PAWR: variants seen among roughly 807,000 people sequenced by gnomAD.
The protein encoded by PAWR is PRKC apoptosis WT1 regulator protein.
In PAWR, 23 loss-of-function variants were observed where a neutral mutation model predicts 32.0. The ratio of observed to expected loss-of-function variants is 0.72; its 90% CI spans 0.52 to 1.02. The LOEUF (loss-of-function observed/expected upper bound fraction) is 1.02. Among genes scored for constraint, PAWR ranks in the 50% least tolerant of loss-of-function variants. The pLI is 0.00. For synonymous variants in PAWR, 226 were observed against 187.1 expected (o/e 1.21, Z -1.70); for missense variants, 457 against 437.7 (o/e 1.04, Z -0.39).
chr12:79,660,125 T>C lies in PAWR; in HGVS notation c.516+29604A>G, dbSNP rs1410412152. ...AACATACCACAGACATTGTCGGTTATAAATGTTAACAGTACTTGGAGCTTT... is the reference window on the plus strand; with the variant it reads ...AACATACCACAGACATTGTCGGTTACAAATGTTAACAGTACTTGGAGCTTT... On this transcript the variant is annotated intron_variant, in intron 2 of 6. Transcript: ENST00000328827. Among the ~76,000 whole-genome samples, 8 of 152,198 alleles carry C rather than the reference T, an allele frequency of 5.3e-5. No individual in the cohort carries two copies. In the East Asian group the frequency reaches 1.5e-3, roughly 29 times the overall value.
At chr12:79,670,958 T>G (rs1877864906) in intron 2 of PAWR, among the ~76,000 whole-genome samples, 1 of 150,086 alleles carries the variant, frequency 6.7e-6, no homozygotes, top group African/African-American at 2.4e-5. Context: ...GTATTAAGGA[T>G]ACTAAAATAG....
At chr12:79,672,548 T>C (rs1409658390) in intron 2 of PAWR, among the ~76,000 whole-genome samples, 1 of 152,184 alleles carries the variant, frequency 6.6e-6, no homozygotes, top group Non-Finnish European at 1.5e-5. Flanking sequence ...TTGCTCCATA[T>C]AGAGGCTTTC....
chr12:79,646,948 C>G (rs542508085), intron 2 of PAWR, among the ~76,000 whole-genome samples: 2 of 152,054 alleles, frequency 1.3e-5, no homozygotes, highest in African/African-American at 4.8e-5. Flanking sequence ...GAGGCTGAGG[C>G]GGGAGGATCA....
chr12:79,625,431 C>T (rs1291744715), intron 2 of PAWR, among the ~76,000 whole-genome samples: 3 of 151,074 alleles, frequency 2.0e-5, no homozygotes, highest in African/African-American at 7.3e-5. Flanking sequence ...AAAGAATAAG[C>T]AAAAAGAAAT....
At chr12:79,629,102 A>G (rs2136737722) in intron 2 of PAWR, among the ~76,000 whole-genome samples, 1 of 152,194 alleles carries the variant, frequency 6.6e-6, no homozygotes. Context: ...AAAGGAGAGA[A>G]CAGATAGGAT....
intron 3 of PAWR, 85 bp downstream of exon 3, chr12:79,620,991 A>G (rs977280878): frequency 1.2e-5 from 11 of 953,474 alleles, no homozygotes; most frequent in Non-Finnish European, 1.7e-5. Flanking sequence ...AATGGGAGAT[A>G]TATTACTACA....
intron 2 of PAWR, among the ~76,000 whole-genome samples, chr12:79,638,739 C>G (rs1876090843): frequency 6.7e-6 from 1 of 149,330 alleles, no homozygotes; most frequent in South Asian, 2.1e-4. Flanking sequence ...TACCCAGGGA[C>G]TCTAGATCTA....
Position 79,592,636 on chromosome 12 carries a change from A to G in PAWR, c.994T>C (p.Leu332=), listed in dbSNP as rs1873596086. ...CTGGTCAGCTGACCCACAACTTTCA[A>G]AAGAGTTTTATTTTCCTGCTTTAGC... ...EQLKQENKTL[L]KVVGQLTR Residue 332 remains leucine (L), a synonymous_variant, in exon 7 of 7, where the codon TTG becomes CTG. Transcript: ENST00000328827. 3 of 769,742 alleles carry G rather than the reference A, an allele frequency of 3.9e-6. No homozygotes were observed. The highest frequency in any genetic ancestry group is 7.2e-6 in the Non-Finnish European group (3 of 415,934). 47.7% of individuals were successfully genotyped at this position (769,742 alleles called of 1,614,324 possible). A position where few individuals can be genotyped will look rare whatever the true frequency, so the allele number is the denominator to read the frequency against.
At chr12:79,671,337 C>G (rs1301735309) in intron 2 of PAWR, among the ~76,000 whole-genome samples, 1 of 152,154 alleles carries the variant, frequency 6.6e-6, no homozygotes, top group African/African-American at 2.4e-5. Context: ...CTAGGAGAAT[C>G]ATGTGGCTAG....
intron 2 of PAWR, among the ~76,000 whole-genome samples, chr12:79,640,611 T>C (rs903700969): frequency 2.4e-4 from 37 of 152,092 alleles, no homozygotes; most frequent in African/African-American, 8.9e-4. Context: ...TATGGTGGTG[T>C]GCGCCTGTAG....
At chr12:79,605,798 G>A (rs979907601) in intron 4 of PAWR, among the ~76,000 whole-genome samples, 3 of 152,128 alleles carry the variant, frequency 2.0e-5, no homozygotes, top group African/African-American at 7.2e-5. Flanking sequence ...GCTTGGCCAG[G>A]TGCAGTGGCT....
intron 3 of PAWR, among the ~76,000 whole-genome samples, chr12:79,619,112 A>T (rs1162176021): frequency 6.6e-6 from 1 of 152,076 alleles, no homozygotes; most frequent in East Asian, 1.9e-4. Context: ...TTGAGACATA[A>T]TTTATAAACT....
intron 2 of PAWR, chr12:79,632,151 A>AC: frequency 7.1e-6 from 1 of 139,942 alleles, no homozygotes; most frequent in South Asian, 2.2e-4. Context: ...AAAAAAAAAA[A>AC]TACAACAACA....
chr12:79,646,021 G>T (rs1041244394), intron 2 of PAWR, among the ~76,000 whole-genome samples: 2 of 152,032 alleles, frequency 1.3e-5, no homozygotes, highest in Non-Finnish European at 2.9e-5. Context: ...ATTAACACAG[G>T]TACAGTCTCC....
At chr12:79,627,177 A>G (rs924093964) in intron 2 of PAWR, among the ~76,000 whole-genome samples, 2 of 152,082 alleles carry the variant, frequency 1.3e-5, no homozygotes, top group African/African-American at 4.8e-5. Flanking sequence ...TGACTTCCAC[A>G]ATGGTTGAAC....
intron 2 of PAWR, among the ~76,000 whole-genome samples, chr12:79,642,609 C>T (rs1033717420): frequency 6.6e-6 from 1 of 152,080 alleles, no homozygotes; most frequent in Non-Finnish European, 1.5e-5. Context: ...TCTCTCTCCC[C>T]CTCCTAGTAA....
chr12:79,663,663 G>A (rs1017624237), intron 2 of PAWR, among the ~76,000 whole-genome samples: 5 of 152,170 alleles, frequency 3.3e-5, no homozygotes, highest in African/African-American at 1.2e-4. Flanking sequence ...GGGAGGCTGA[G>A]GTGGGACAAT....
Position 79,690,074 on chromosome 12 carries a change from A to G in PAWR, c.171T>C (p.Ala57=), listed in dbSNP as rs1441814124. The change falls in exon 2 of 7, where the codon GCT becomes GCC. Residue 57 remains alanine (A), a synonymous_variant. Transcript: ENST00000328827. ...CAGCGGCGGCCGCCGGGGTGCCCAGAGCCCCCGCGGGGGGCTTCCCAGCGG... is the reference window on the plus strand; with the variant it reads ...CAGCGGCGGCCGCCGGGGTGCCCAGGGCCCCCGCGGGGGGCTTCCCAGCGG... ...SDAAGKPPAG[A]LGTPAAAAAN... is the part of the protein sequence containing the mutation. 7.1e-7 allele frequency: 1 copy of G among 1,408,480 alleles called. No individual in the cohort carries two copies. Among genetic ancestry groups the G allele is most frequent in the East Asian group, 3.0e-5 (1 of 32,836 alleles). 87.2% of individuals were successfully genotyped at this position (1,408,480 alleles called of 1,614,324 possible).
chr12:79,690,360 G>C lies in PAWR; in HGVS notation c.-116C>G. ...GCCAGGAGACGACCTCCAGGAGAGG[G>C]ACGGCCGCCGCTCCCACAGCAGCCG... On this transcript the variant is annotated 5_prime_UTR_variant, in exon 2 of 7. Coordinates refer to ENST00000328827, the MANE Select transcript of PAWR (RefSeq NM_002583.4). 7.4e-7 allele frequency: 1 copy of C among 1,349,240 alleles called. No individual in the cohort carries two copies. Among genetic ancestry groups the C allele is most frequent in the Non-Finnish European group, 9.5e-7 (1 of 1,055,094 alleles). 83.6% of individuals were successfully genotyped at this position (1,349,240 alleles called of 1,614,324 possible). A position where few individuals can be genotyped will look rare whatever the true frequency, so the allele number is the denominator to read the frequency against.
Sources: allele counts gnomAD v4.1 joint callset (sites outside exome capture counted in the v4.1 genomes callset), GRCh38; gene constraint gnomAD v4.1.1; transcripts MANE v1.5; gene names NCBI Gene and HGNC (gene_info 2026-07-23, HGNC 2026-07-21).